The following NAALADL2 variants were observed in gnomAD, a reference collection of about 807,000 sequenced individuals.
NAALADL2 encodes N-acetylated alpha-linked acidic dipeptidase like 2.
NAALADL2 carries 76 observed loss-of-function variants against 87.2 expected under a neutral mutation model. The ratio of observed to expected loss-of-function variants is 0.87; its 90% CI spans 0.72 to 1.05. NAALADL2 has a LOEUF of 1.05. Among genes scored for constraint, NAALADL2 ranks in the 50% least tolerant of loss-of-function variants. The pLI, the probability that NAALADL2 is intolerant of heterozygous loss-of-function variation, is 0.00. For missense variants in NAALADL2, 1,089 were observed against 945.8 expected (o/e 1.15, Z -1.99); for synonymous variants, 354 against 331.0 (o/e 1.07, Z -0.75).
chr3:174,816,903 A>G (rs1166278219), intron 3 of NAALADL2, among the ~76,000 whole-genome samples: 1 of 152,202 alleles, frequency 6.6e-6, no homozygotes, highest in Non-Finnish European at 1.5e-5. Flanking sequence ...GCCTTGTAGT[A>G]TTAACTGATC....
chr3:174,932,557 G>A (rs1041294540), intron 1 of NAALADL2, among the ~76,000 whole-genome samples: 2 of 152,098 alleles, frequency 1.3e-5, no homozygotes, highest in Admixed American at 6.6e-5. Context: ...GGGCATATTA[G>A]TTCAATATTG....
intron 4 of NAALADL2, among the ~76,000 whole-genome samples, chr3:175,289,410 T>C (rs897467565): frequency 1.3e-5 from 2 of 152,136 alleles, no homozygotes; most frequent in African/African-American, 4.8e-5. Flanking sequence ...TGCACTCATA[T>C]GCTTTATTTT....
chr3:175,637,722 G>A (rs1391046133), intron 11 of NAALADL2, among the ~76,000 whole-genome samples: 1 of 152,102 alleles, frequency 6.6e-6, no homozygotes, highest in Non-Finnish European at 1.5e-5. Flanking sequence ...TGTACAGTCT[G>A]CAAAACGGCA....
At chr3:175,160,463 C>T (rs1733021119) in intron 2 of NAALADL2, among the ~76,000 whole-genome samples, 1 of 138,566 alleles carries the variant, frequency 7.2e-6, no homozygotes, top group African/African-American at 2.6e-5. Flanking sequence ...AGCAATTCTC[C>T]TGCCTCAGCC....
chr3:174,630,158 G>A (rs1203378468), intron 2 of NAALADL2, among the ~76,000 whole-genome samples: 1 of 151,886 alleles, frequency 6.6e-6, no homozygotes, highest in Non-Finnish European at 1.5e-5. Flanking sequence ...TTTTCATTTT[G>A]TTGATTAAAA....
chr3:175,195,955 A>T (rs1464033576), intron 2 of NAALADL2, among the ~76,000 whole-genome samples: 1 of 151,898 alleles, frequency 6.6e-6, no homozygotes, highest in Non-Finnish European at 1.5e-5. Flanking sequence ...GAGACTGAAT[A>T]AAGAGCTTAT....
intron 1 of NAALADL2, among the ~76,000 whole-genome samples, chr3:174,531,689 G>A (rs981353942): frequency 1.3e-5 from 2 of 152,118 alleles, no homozygotes; most frequent in East Asian, 1.9e-4. Context: ...TGGTAAACTC[G>A]ATTCTGTTTT....
chr3:175,475,250 A>G (rs1007032901), intron 9 of NAALADL2, among the ~76,000 whole-genome samples: 10 of 152,070 alleles, frequency 6.6e-5, no homozygotes, highest in Non-Finnish European at 1.3e-4. Context: ...GACTCCTTAA[A>G]TGTACAAAAA....
chr3:174,892,464 A>G (rs565852019), intron 1 of NAALADL2, among the ~76,000 whole-genome samples: 11 of 152,248 alleles, frequency 7.2e-5, no homozygotes, highest in Non-Finnish European at 1.5e-4. Flanking sequence ...AAAAAAGACA[A>G]AAAAAAGTAC....
intron 5 of NAALADL2, among the ~76,000 whole-genome samples, chr3:175,388,213 A>G (rs915952281): frequency 6.6e-6 from 1 of 152,098 alleles, no homozygotes. Flanking sequence ...TTTTATTTGC[A>G]CAAACATTAT....
chr3:175,755,687 T>C (rs1327795016), intron 13 of NAALADL2, among the ~76,000 whole-genome samples: 1 of 152,086 alleles, frequency 6.6e-6, no homozygotes, highest in African/African-American at 2.4e-5. Context: ...ATATGGCCAA[T>C]GAAAAAGCAA....
chr3:175,444,743 C>A (rs760268402), intron 5 of NAALADL2, among the ~76,000 whole-genome samples: 4 of 152,164 alleles, frequency 2.6e-5, no homozygotes, highest in African/African-American at 9.7e-5. Flanking sequence ...TAATGACCTA[C>A]GCTGTGGTCC....
chr3:175,156,766 CATAGGTTTATACAGCTGACCTACAGAAAA>C (rs1732394407), intron 2 of NAALADL2, among the ~76,000 whole-genome samples: 1 of 152,022 alleles, frequency 6.6e-6, no homozygotes, highest in African/African-American at 2.4e-5. Flanking sequence ...GTATCACATA[CATAGGTTTATACAGCTGACCTACAGAAAA>C]GTGGGGAAGA....
chr3:174,710,815 T>C (rs1730558205), intron 2 of NAALADL2, among the ~76,000 whole-genome samples: 1 of 152,174 alleles, frequency 6.6e-6, no homozygotes, highest in Admixed American at 6.5e-5. Context: ...AAATGCATTT[T>C]TTCCTAGAGC....
intron 1 of NAALADL2, among the ~76,000 whole-genome samples, chr3:175,070,359 A>G (rs1715401977): frequency 6.6e-6 from 1 of 151,978 alleles, no homozygotes; most frequent in Admixed American, 6.6e-5. Flanking sequence ...GTAAAACACT[A>G]TTAGGTTAGC....
At chr3:174,576,290 G>C (rs1715522688) in intron 2 of NAALADL2, among the ~76,000 whole-genome samples, 1 of 152,122 alleles carries the variant, frequency 6.6e-6, no homozygotes, top group South Asian at 2.1e-4. Flanking sequence ...TAAATGTTAA[G>C]AAGGAAAATT....
intron 10 of NAALADL2, among the ~76,000 whole-genome samples, chr3:175,618,479 C>G (rs766571152): frequency 1.3e-5 from 2 of 152,174 alleles, no homozygotes; most frequent in African/African-American, 2.4e-5. Flanking sequence ...CAGCTTATAA[C>G]TTGACCAAAC....
At chr3:175,106,043 C>T (rs41325049) in intron 2 of NAALADL2, among the ~76,000 whole-genome samples, 2,203 of 152,134 alleles carry the variant, frequency 0.014, 46 homozygotes, top group African/African-American at 0.05. Flanking sequence ...TGCTTTCTTA[C>T]TCTTAATGGT....
At chr3:175,637,046 G>A (rs550219450) in intron 11 of NAALADL2, among the ~76,000 whole-genome samples, 2 of 152,202 alleles carry the variant, frequency 1.3e-5, no homozygotes, top group South Asian at 2.1e-4. Context: ...ATTCATTTAC[G>A]CTTAACACTA....
Sources: gnomAD v4.1 joint callset for allele counts (sites outside exome capture counted in the v4.1 genomes callset) on GRCh38, gnomAD v4.1.1 for gene constraint, MANE v1.5 for transcripts, NCBI Gene and HGNC (gene_info 2026-07-23, HGNC 2026-07-21) for gene names.